The following PKD1 variants were observed in gnomAD, a reference collection of about 807,000 sequenced individuals.
The protein encoded by PKD1 is polycystin-1.
A neutral mutation model predicts 361.7 loss-of-function variants in PKD1; 81 were observed. The ratio of observed to expected loss-of-function variants is 0.22; its 90% CI spans 0.19 to 0.27. The LOEUF (loss-of-function observed/expected upper bound fraction) is 0.27. PKD1 is among the 10% of genes least tolerant of loss of function. The probability of loss-of-function intolerance (pLI) is 1.00; values close to 1 mark genes in which losing one functional copy is unlikely to be tolerated. For synonymous variants in PKD1, 3,615 were observed against 2,818.3 expected (o/e 1.28, Z -8.95); for missense variants, 6,399 against 6,118.3 (o/e 1.05, Z -1.53).
chr16:2,111,671 C>T lies in PKD1; in HGVS notation c.3496G>A (p.Gly1166Ser), dbSNP rs573566419. The T allele has an allele frequency of 2.9e-5, 45 of 1,575,752 alleles. No individual in the cohort carries two copies. The highest frequency in any genetic ancestry group is 4.6e-4 in the Middle Eastern group (2 of 4,390). ...TGGCTCTGGGTCAGGACAGGGGAGC[C>T]GTCCCCGAAGTCCCACGTGTAAAGA... is the stretch of plus-strand genomic sequence containing the variant. ...GVLYTWDFGD[G>S]SPVLTQSQPA... Residue 1166 changes from glycine to serine, a missense_variant, in exon 15 of 46, where the codon GGC (glycine) becomes AGC (serine). By Grantham distance (56) the Gly-to-Ser change is moderately conservative. Transcript: ENST00000262304.
At position 2,090,524 on chromosome 16, in the gene PKD1, T is replaced by C. The variant is rs765414452; in HGVS notation, c.12205A>G (p.Thr4069Ala). The stretch of plus-strand genomic sequence containing the variant: ...GCAGGACACAGGGTAGAGAGCCCAG[T>C]CCCAGGGCACAGCACCAACAGGGCC... Reference protein sequence around the residue: ...AQALLVLCPGTGLSTLCPAES... With the variant: ...AQALLVLCPGAGLSTLCPAES... The change falls in exon 45 of 46, where the codon ACT becomes GCT. Residue 4069 changes from threonine (T) to alanine (A), a missense_variant. Thr to Ala is a moderately conservative substitution (Grantham distance 58). Transcript: ENST00000262304. 21 of 1,610,578 alleles carry C rather than the reference T, an allele frequency of 1.3e-5. No homozygotes were observed. The highest frequency in any genetic ancestry group is 1.7e-4 in the Middle Eastern group (1 of 6,018).
In PKD1 at chr16:2,108,237, C is replaced by G; in HGVS notation, c.6915+15G>C. ...CGGGTGAGGGGCATGGAGGACGGCC[C>G]TGCCACGCACTGACCTGTGTCGAAG... On this transcript the variant is annotated intron_variant, in intron 15 of 45. Coordinates refer to ENST00000262304, the MANE Select transcript of PKD1 (RefSeq NM_001009944.3). 1 of 1,589,754 alleles carries G rather than the reference C, an allele frequency of 6.3e-7. No individual in the cohort carries two copies. The highest frequency in any genetic ancestry group is 1.1e-5 in the South Asian group (1 of 89,488).
chr16:2,128,437 G>A (rs1339875874), intron 1 of PKD1, among the ~76,000 whole-genome samples: 1 of 151,692 alleles, frequency 6.6e-6, no homozygotes, highest in Non-Finnish European at 1.5e-5. Context: ...GCCCGACTCG[G>A]AAGCGCCACT....
Position 2,119,339 on chromosome 16 carries a change from C to T in PKD1, c.255G>A (p.Gly85=). 1 of 1,399,800 alleles carries T rather than the reference C, an allele frequency of 7.1e-7. No individual in the cohort carries two copies. Among genetic ancestry groups the T allele is most frequent in the Non-Finnish European group, 9.8e-7 (1 of 1,024,420 alleles). 86.7% of individuals were successfully genotyped at this position (1,399,800 alleles called of 1,614,324 possible). Residue 85 remains glycine (G), a synonymous_variant, in exon 2 of 46, where the codon GGG becomes GGA. Transcript: ENST00000262304. ...SHNLLRALDV[G]LLANLSALAE... is the part of the protein sequence containing the mutation. ...CCAGCGCCGAGAGGTTCGCCAGGAG[C>T]CCAACGTCCAGCGCCCGGAGCAGGT... is the stretch of plus-strand genomic sequence containing the variant.
chr16:2,111,259 G>A lies in PKD1; in HGVS notation c.3908C>T (p.Ala1303Val), dbSNP rs774245198. 3.1e-6 allele frequency: 5 copies of A among 1,610,226 alleles called. No homozygotes were observed. In the East Asian group the frequency reaches 8.9e-5, roughly 29 times the overall value. The change falls in exon 15 of 46, where the codon GCC becomes GTC. Residue 1303 changes from alanine to valine, a missense_variant. Coordinates refer to ENST00000262304, the MANE Select transcript of PKD1 (RefSeq NM_001009944.3). ...VLEVLRVEPAACIPTQPDARL... is the reference protein window; with the variant it reads ...VLEVLRVEPAVCIPTQPDARL... ...CGCGTCAGGCTGCGTGGGGATGCAGGCGGCGGGTTCAACGCGCAGCACCTC... is the reference window on the plus strand; with the variant it reads ...CGCGTCAGGCTGCGTGGGGATGCAGACGGCGGGTTCAACGCGCAGCACCTC...
chr16:2,116,318 G>A (rs1050419691), intron 8 of PKD1, among the ~76,000 whole-genome samples, 200 bp from the exon 9 acceptor site: 1 of 152,214 alleles, frequency 6.6e-6, no homozygotes, highest in African/African-American at 2.4e-5. Flanking sequence ...CTGCCTTTCA[G>A]GAATAACTCA....
At position 2,093,581 on chromosome 16, in the gene PKD1, T is replaced by G; in HGVS notation, c.10979A>C (p.Glu3660Ala). ...HGFALFLAKE[E>A]ARKVKRLHGM... ...ATGTAGCCTCTTGACCTTGCGGGCT[T>G]CTTCCTTGGCCAGGAAGAGTGCAAA... The change falls in exon 37 of 46, where the codon GAA becomes GCA. Residue 3660 changes from glutamate to alanine, a missense_variant. Physicochemically the swap from Glu to Ala is moderately radical, Grantham distance 107. Coordinates refer to ENST00000262304, the MANE Select transcript of PKD1 (RefSeq NM_001009944.3). 6.2e-7 allele frequency: 1 copy of G among 1,607,722 alleles called. No individual in the cohort carries two copies. Among genetic ancestry groups the G allele is most frequent in the Non-Finnish European group, 8.5e-7 (1 of 1,177,422 alleles).
At chr16:2,097,631 G>C (rs1411151704) in intron 32 of PKD1, 97 bp downstream of exon 32, 1 of 1,610,400 alleles carries the variant, frequency 6.2e-7, no homozygotes, top group Non-Finnish European at 8.5e-7. Flanking sequence ...ACCACATGGA[G>C]CCACAGACAC....
In PKD1 at chr16:2,091,609, G is replaced by C. The variant is rs946712244; in HGVS notation, c.11538-12C>G. 4 of 1,561,652 alleles carry C rather than the reference G, an allele frequency of 2.6e-6. No homozygotes were observed. Among genetic ancestry groups the C allele is most frequent in the African/African-American group, 1.4e-5 (1 of 74,054 alleles). ...ACACAGCGCGGCTCCTGCGCAGAGG[G>C]TGCGGGTCAGTAGGAGCGGGTGGCA... On this transcript the variant is annotated splice_polypyrimidine_tract_variant and intron_variant, in intron 41 of 45. Transcript: ENST00000262304.
intron 1 of PKD1, chr16:2,131,900 A>G (rs1292528750): frequency 6.6e-6 from 1 of 152,248 alleles, no homozygotes. Flanking sequence ...ACAGCCAGGT[A>G]GAATTCTTCA....
rs187871162 is a variant in PKD1, at chr16:2,098,209, A to C, written c.10051-225T>G. ...TGGTGCAGCTAAGGAACAGAGTTTTAAATTTCATATTTTCTTTTTTAGATG... is the reference window on the plus strand; with the variant it reads ...TGGTGCAGCTAAGGAACAGAGTTTTCAATTTCATATTTTCTTTTTTAGATG... On this transcript the variant is annotated intron_variant, in intron 30 of 45. Transcript: ENST00000262304. 2.8e-4 allele frequency: 168 copies of C among 593,902 alleles called. 1 individual carries two copies. The highest frequency in any genetic ancestry group is 2.7e-3 in the African/African-American group (143 of 53,854). The allele number at this position is 593,902 out of a possible 1,614,324, so 36.8% of individuals were successfully genotyped here. A position where few individuals can be genotyped will look rare whatever the true frequency, so the allele number is the denominator to read the frequency against.
chr16:2,127,748 C>T (rs2092817208), intron 1 of PKD1, among the ~76,000 whole-genome samples: 1 of 151,180 alleles, frequency 6.6e-6, no homozygotes. Flanking sequence ...GAAACTGAGG[C>T]TGAGAGACTG....
At position 2,088,917 on chromosome 16, in the gene PKD1, T is replaced by C. The variant is rs565298575; in HGVS notation, c.*810A>G. On this transcript the variant is annotated 3_prime_UTR_variant, in exon 46 of 46. Coordinates refer to ENST00000262304, the MANE Select transcript of PKD1 (RefSeq NM_001009944.3). ...CACACACAGTCACCTTCCTCCACCC[T>C]GGGAGCCAGCCCCCAGGAGGAGTCT... is the stretch of plus-strand genomic sequence containing the variant. 1 of 387,618 alleles carries C rather than the reference T, an allele frequency of 2.6e-6. No individual in the cohort carries two copies. Among genetic ancestry groups the C allele is most frequent in the East Asian group, 4.8e-5 (1 of 20,662 alleles). 24.0% of individuals were successfully genotyped at this position (387,618 alleles called of 1,614,324 possible).
chr16:2,114,526 C>T lies in PKD1; in HGVS notation c.2497G>A (p.Asp833Asn), dbSNP rs754869630. 35 of 1,594,174 alleles carry T rather than the reference C, an allele frequency of 2.2e-5. No individual in the cohort carries two copies. The highest frequency in any genetic ancestry group is 2.8e-5 in the Non-Finnish European group (33 of 1,178,884). ...GLRVIYPAPR[D>N]GRLYVPTNGS... ...TTGGTGGGCACGTAGAGGCGGCCGT[C>T]GCGGGGGGCAGGGTAGATGACCCGC... The change falls in exon 11 of 46, where the codon GAC (aspartate) becomes AAC (asparagine). Residue 833 changes from aspartate (D) to asparagine (N), a missense_variant. By Grantham distance (23) the Asp-to-Asn change is conservative. Transcript: ENST00000262304.
At chr16:2,128,551 G>A (rs1035728697) in intron 1 of PKD1, among the ~76,000 whole-genome samples, 2 of 152,168 alleles carry the variant, frequency 1.3e-5, no homozygotes, top group Non-Finnish European at 2.9e-5. Context: ...TCATCACCAC[G>A]GCTTCTCAAA....
Position 2,111,168 on chromosome 16 carries a change from G to C in PKD1, c.3999C>G (p.Gly1333=), listed in dbSNP as rs762183748. Residue 1333 remains glycine, a synonymous_variant, in exon 15 of 46, where the codon GGC becomes GGG. Coordinates refer to ENST00000262304, the MANE Select transcript of PKD1 (RefSeq NM_001009944.3). ...HYLFDWTFGD[G]SSNTTVRGCP... ...ACCCCCGCACGGTCGTGTTGGAGGA[G>C]CCATCCCCGAAGGTCCAGTCGAAGA... 47 of 1,611,192 alleles carry C rather than the reference G, an allele frequency of 2.9e-5. No homozygotes were observed. In the Admixed American group the frequency reaches 5.3e-4, roughly 18 times the overall value.
chr16:2,112,968 A>G lies in PKD1; in HGVS notation c.2986-5T>C, dbSNP rs750645119. 9.4e-6 allele frequency: 15 copies of G among 1,598,082 alleles called. No individual in the cohort carries two copies. In the African/African-American group the frequency reaches 1.6e-4, roughly 17 times the overall value. The stretch of plus-strand genomic sequence containing the variant: ...CACGTGGTTGGAGGCCGTCAGCTGC[A>G]GGGACAGGCGTCAGTGAGCCCAGGT... On this transcript the variant is annotated splice_polypyrimidine_tract_variant and splice_region_variant and intron_variant, in intron 12 of 45. Coordinates refer to ENST00000262304, the MANE Select transcript of PKD1 (RefSeq NM_001009944.3).
intron 1 of PKD1, among the ~76,000 whole-genome samples, chr16:2,120,598 G>C (rs941515868): frequency 6.6e-6 from 1 of 152,178 alleles, no homozygotes; most frequent in African/African-American, 2.4e-5. Flanking sequence ...GCTACTCGGG[G>C]GGCTGAGGAG....
rs376849723 is a variant in PKD1, at chr16:2,100,357, G to T, written c.9568+39C>A. The T allele has an allele frequency of 1.2e-6, 2 of 1,609,650 alleles. No homozygotes were observed. Among genetic ancestry groups the T allele is most frequent in the African/African-American group, 2.7e-5 (2 of 74,762 alleles). ...TCAGGCTCGCAGGGCGCCCCAATGC[G>T]GGGGCAGAGGGGCAGAGCTTGGCAG... is the stretch of plus-strand genomic sequence containing the variant. On this transcript the variant is annotated intron_variant, in intron 27 of 45. Transcript: ENST00000262304. This position sits in a 1 kb window ranked among gnomAD's most constrained non-coding sequence, Gnocchi z 4.4.
Sources: allele counts gnomAD v4.1 joint callset (sites outside exome capture counted in the v4.1 genomes callset), GRCh38; gene constraint gnomAD v4.1.1; non-coding constraint Gnocchi (gnomAD v3.1); transcripts MANE v1.5; gene names NCBI Gene and HGNC (gene_info 2026-07-23, HGNC 2026-07-21).